The following LRFN2 variants were observed in gnomAD, a reference collection of about 807,000 sequenced individuals.
LRFN2 encodes leucine rich repeat and fibronectin type III domain containing 2.
In LRFN2, 18 loss-of-function variants were observed where a neutral mutation model predicts 37.3. That is an observed-to-expected ratio of 0.48 (90% CI 0.33 to 0.72). LRFN2 has a LOEUF of 0.72. Among genes scored for constraint, LRFN2 ranks in the 30% least tolerant of loss-of-function variants. The pLI, the probability that LRFN2 is intolerant of heterozygous loss-of-function variation, is 0.02. For synonymous variants in LRFN2, 556 were observed against 466.6 expected, an observed-to-expected ratio of 1.19 and a Z score of -2.47; for missense variants, 1,006 against 1,060.7, an observed-to-expected ratio of 0.95 and a Z score of 0.72.
At chr6:40,438,943 G>C (rs1763761387) in intron 1 of LRFN2, among the ~76,000 whole-genome samples, 1 of 152,160 alleles carries the variant, frequency 6.6e-6, no homozygotes, top group African/African-American at 2.4e-5. Flanking sequence ...AAACAAAAGG[G>C]AAAAACAAAG....
At chr6:40,495,806 G>A (rs931382526) in intron 1 of LRFN2, among the ~76,000 whole-genome samples, 2 of 152,088 alleles carry the variant, frequency 1.3e-5, no homozygotes, top group Non-Finnish European at 2.9e-5. Context: ...ACACTCTACT[G>A]AGATGATCAT....
At chr6:40,521,647 G>A (rs765369160) in intron 1 of LRFN2, among the ~76,000 whole-genome samples, 6 of 152,218 alleles carry the variant, frequency 3.9e-5, no homozygotes, top group Admixed American at 6.5e-5. Context: ...CTGTGTGGCA[G>A]GGAGGGGAGG....
intron 1 of LRFN2, among the ~76,000 whole-genome samples, chr6:40,583,226 T>C (rs1020640599): frequency 9.2e-5 from 14 of 151,608 alleles, no homozygotes; most frequent in African/African-American, 3.4e-4. Context: ...TATACATATA[T>C]AGTATATATA....
At chr6:40,396,029 TCTC>T (rs948926616) in intron 2 of LRFN2, among the ~76,000 whole-genome samples, 3 of 151,760 alleles carry the variant, frequency 2.0e-5, no homozygotes, top group African/African-American at 7.3e-5. Context: ...TTAGCCACCT[TCTC>T]CTGGGAAGCA....
chr6:40,496,356 C>T (rs910431088), intron 1 of LRFN2, among the ~76,000 whole-genome samples: 1 of 152,194 alleles, frequency 6.6e-6, no homozygotes, highest in South Asian at 2.1e-4. Flanking sequence ...GGTCAGCCCA[C>T]TGTTTTAAAA....
At position 40,417,526 on chromosome 6, in the gene LRFN2, A is replaced by G. The variant is rs115479367; in HGVS notation, c.1400+14188T>C. 9.9e-3 allele frequency among the ~76,000 whole-genome samples: 1,500 copies of G among 152,260 alleles called. 25 individuals carry two copies. Among genetic ancestry groups the G allele is most frequent in the African/African-American group, 0.034 (1,432 of 41,528 alleles). On this transcript the variant is annotated intron_variant, in intron 2 of 2. Coordinates refer to ENST00000338305, the MANE Select transcript of LRFN2 (RefSeq NM_020737.3). Reference sequence around the variant, plus strand: ...CACACCTAATGAGCTAATTAAGCAAAAATATAAATAATTACTCCCTATCAG... The same window carrying G: ...CACACCTAATGAGCTAATTAAGCAAGAATATAAATAATTACTCCCTATCAG...
At chr6:40,536,881 T>C (rs931934501) in intron 1 of LRFN2, among the ~76,000 whole-genome samples, 33 of 152,338 alleles carry the variant, frequency 2.2e-4, no homozygotes, top group African/African-American at 7.5e-4. Flanking sequence ...CCACTCTTCA[T>C]CTAAAGGTGC....
Position 40,443,632 on chromosome 6 carries a change from C to T in LRFN2, c.-18-10501G>A, listed in dbSNP as rs535936704. Reference sequence around the variant, plus strand: ...TGCCTGCACCTTTCTTTATTGCTGTCCTCTGTCCCTGCAGTTCTGGGGAGA... The same window carrying T: ...TGCCTGCACCTTTCTTTATTGCTGTTCTCTGTCCCTGCAGTTCTGGGGAGA... On this transcript the variant is annotated intron_variant, in intron 1 of 2. Coordinates refer to ENST00000338305, the MANE Select transcript of LRFN2 (RefSeq NM_020737.3). 2.6e-5 allele frequency among the ~76,000 whole-genome samples: 4 copies of T among 152,302 alleles called. No individual in the cohort carries two copies. The South Asian group carries it at 6.2e-4, about 24-fold the overall frequency.
At chr6:40,578,196 A>G (rs1421615256) in intron 1 of LRFN2, among the ~76,000 whole-genome samples, 1 of 152,140 alleles carries the variant, frequency 6.6e-6, no homozygotes, top group Non-Finnish European at 1.5e-5. Flanking sequence ...GCTTCTCCCC[A>G]TGCCATTTCA....
intron 1 of LRFN2, among the ~76,000 whole-genome samples, chr6:40,575,675 T>C (rs1767264475): frequency 6.6e-6 from 1 of 152,174 alleles, no homozygotes. Flanking sequence ...AGAATGCCTC[T>C]TGTAGTACCA....
chr6:40,453,880 C>A (rs1055825148), intron 1 of LRFN2, among the ~76,000 whole-genome samples: 2 of 152,140 alleles, frequency 1.3e-5, no homozygotes, highest in Non-Finnish European at 1.5e-5. Context: ...AACATCCAGG[C>A]CCTGTCCATT....
Position 40,392,349 on chromosome 6 carries a change from C to A in LRFN2, c.1964G>T (p.Arg655Leu). The change falls in exon 3 of 3, where the codon CGC becomes CTC. Residue 655 changes from arginine to leucine, a missense_variant. Arg to Leu is a moderately radical substitution (Grantham distance 102). This residue lies in a region of LRFN2 where 398 missense variants were observed against 327.6 expected (regional missense o/e 1.21). Coordinates refer to ENST00000338305, the MANE Select transcript of LRFN2 (RefSeq NM_020737.3). The surrounding 1 kb of genome is among the most constrained non-coding windows in gnomAD (Gnocchi z 4.7). ...CAGGGAGGCGAAGGCCCCCATCAGG[C>A]GGTCAAGGCTGGGCTTGGGGCGCGG... ...SAPRPKPSLD[R>L]LMGAFASLDL... The A allele has an allele frequency of 1.2e-6, 2 of 1,608,970 alleles. No homozygotes were observed. Among genetic ancestry groups the A allele is most frequent in the Non-Finnish European group, 1.7e-6 (2 of 1,178,144 alleles).
intron 2 of LRFN2, among the ~76,000 whole-genome samples, chr6:40,416,300 T>C (rs752053726): frequency 8.5e-5 from 13 of 152,304 alleles, no homozygotes; most frequent in Non-Finnish European, 1.3e-4. Flanking sequence ...TGAGCCACCA[T>C]GTCCGGCCAA....
At chr6:40,565,639 A>T (rs1332850596) in intron 1 of LRFN2, among the ~76,000 whole-genome samples, 1 of 152,174 alleles carries the variant, frequency 6.6e-6, no homozygotes, top group Non-Finnish European at 1.5e-5. Context: ...TGGGGAAAGG[A>T]TTCCCTATTT....
chr6:40,435,926 C>T (rs1763662422), intron 1 of LRFN2, among the ~76,000 whole-genome samples: 1 of 152,116 alleles, frequency 6.6e-6, no homozygotes, highest in African/African-American at 2.4e-5. Flanking sequence ...ACCTGAGACC[C>T]TTCAAGGGCC....
At chr6:40,584,889 T>C (rs762798463) in intron 1 of LRFN2, among the ~76,000 whole-genome samples, 6 of 152,002 alleles carry the variant, frequency 3.9e-5, no homozygotes, top group African/African-American at 1.2e-4. Flanking sequence ...AAGGACTCAG[T>C]TGGCCAGAAG....
intron 2 of LRFN2, among the ~76,000 whole-genome samples, chr6:40,430,504 C>T (rs571244726): frequency 1.3e-5 from 2 of 152,318 alleles, no homozygotes; most frequent in Admixed American, 6.5e-5. Context: ...CAAAGGACAC[C>T]ATACATTCCT....
At chr6:40,467,110 G>C (rs1251936671) in intron 1 of LRFN2, among the ~76,000 whole-genome samples, 2 of 151,942 alleles carry the variant, frequency 1.3e-5, no homozygotes, top group Non-Finnish European at 2.9e-5. Context: ...ACCTGTTTTT[G>C]TTTTGGTAGA....
In LRFN2 at chr6:40,431,723, A is replaced by G; in HGVS notation, c.1391T>C (p.Leu464Pro). 1 of 1,512,940 alleles carries G rather than the reference A, an allele frequency of 6.6e-7. No homozygotes were observed. Among genetic ancestry groups the G allele is most frequent in the Non-Finnish European group, 8.8e-7 (1 of 1,130,784 alleles). 93.7% of individuals were successfully genotyped at this position (1,512,940 alleles called of 1,614,324 possible). A position where few individuals can be genotyped will look rare whatever the true frequency, so the allele number is the denominator to read the frequency against. ...ACAGCCGCTTGCTCACCTGTAAATC[A>G]GTACCTCATCGTCAGAGCAGTTGTA... ...LQYNCSDDEV[L>P]IYRMIPASNK... is the part of the protein sequence containing the mutation. The change falls in exon 2 of 3, where the codon CTG becomes CCG. Residue 464 changes from leucine to proline, a missense_variant. Around this residue, in one of 4 missense-constraint regions of LRFN2, gnomAD observed 120 missense variants for 178.4 expected, o/e 0.67. Coordinates refer to ENST00000338305, the MANE Select transcript of LRFN2 (RefSeq NM_020737.3).
Sources: gnomAD v4.1 joint callset for allele counts (sites outside exome capture counted in the v4.1 genomes callset) on GRCh38, gnomAD v4.1.1 for gene constraint, gnomAD v4.1.1 regional missense constraint, Gnocchi (gnomAD v3.1) non-coding constraint, MANE v1.5 for transcripts, NCBI Gene and HGNC (gene_info 2026-07-23, HGNC 2026-07-21) for gene names.